CASS4: variants seen among roughly 807,000 people sequenced by gnomAD.
CASS4 encodes Cas scaffold protein family member 4.
In CASS4, 22 loss-of-function variants were observed where a neutral mutation model predicts 54.2. That is an observed-to-expected ratio of 0.41 (90% CI 0.29 to 0.58). The LOEUF is 0.58. CASS4 is among the 20% of genes least tolerant of loss of function. The probability of loss-of-function intolerance (pLI) is 0.36; values close to 1 mark genes in which losing one functional copy is unlikely to be tolerated. For missense variants in CASS4, 854 were observed against 986.7 expected, an observed-to-expected ratio of 0.87 and a Z score of 1.80; for synonymous variants, 409 against 391.5, an observed-to-expected ratio of 1.04 and a Z score of -0.53.
rs774973418 is a variant in CASS4 at position 56,437,214 on chromosome 20, G to A, written c.87G>A (p.Glu29=). The stretch of plus-strand genomic sequence containing the variant: ...ACAACTGCCCTGACTGCTCTGACGA[G>A]CTGGCTTTCAGCAGAGGGGACATCC... ...LYDNCPDCSD[E]LAFSRGDILT... The change falls in exon 2 of 6, where the codon GAG becomes GAA. Residue 29 remains glutamate, a synonymous_variant. Coordinates refer to ENST00000679887, the MANE Select transcript of CASS4 (RefSeq NM_020356.4). This position sits in a 1 kb window ranked among gnomAD's most constrained non-coding sequence, Gnocchi z 4.7. The A allele has an allele frequency of 2.5e-6, 4 of 1,603,388 alleles. No individual in the cohort carries two copies. The highest frequency in any genetic ancestry group is 1.7e-5 in the Admixed American group (1 of 59,410).
chr20:56,457,553 A>C (rs983524427), intron 5 of CASS4, among the ~76,000 whole-genome samples: 2 of 152,208 alleles, frequency 1.3e-5, no homozygotes, highest in African/African-American at 4.8e-5. Flanking sequence ...AAATAAAATA[A>C]ATAATATTAA....
rs201454304 is a variant in CASS4, at chr20:56,452,659, G to A, written c.1483G>A (p.Asp495Asn). The A allele has an allele frequency of 5.6e-6, 9 of 1,614,202 alleles. No individual in the cohort carries two copies. Among genetic ancestry groups the A allele is most frequent in the Non-Finnish European group, 6.8e-6 (8 of 1,180,046 alleles). The change falls in exon 5 of 6, where the codon GAT becomes AAT. Residue 495 changes from aspartate to asparagine, a missense_variant. Transcript: ENST00000679887. ...AGAAGAATCTGTAAGAGAATTTCTG[G>A]ATTTTGCCCGAGGAGTCCATGGGAC... The part of the protein sequence containing the change: ...HIEESVREFL[D>N]FARGVHGTAC...
rs770378111 is a variant in CASS4, at chr20:56,443,752, G to A, written c.460-2148G>A. On this transcript the variant is annotated intron_variant, in intron 2 of 5. Transcript: ENST00000679887. The stretch of plus-strand genomic sequence containing the variant: ...GCAGCGTGCAGGCTGGACGAGGGCC[G>A]CTCTCCCCTTGGGAACCACGAAGCG... Among the ~76,000 whole-genome samples the A allele has an allele frequency of 5.9e-5, 9 of 152,088 alleles. 1 individual carries two copies. The highest frequency in any genetic ancestry group is 2.1e-4 in the South Asian group (1 of 4,836).
chr20:56,422,737 AATGTTATC>A (rs1979467146), intron 1 of CASS4, among the ~76,000 whole-genome samples: 2 of 152,366 alleles, frequency 1.3e-5, no homozygotes, highest in South Asian at 4.1e-4. Flanking sequence ...GTCAGAGTTC[AATGTTATC>A]ATGGAGAACC....
intron 1 of CASS4, among the ~76,000 whole-genome samples, chr20:56,425,852 C>A (rs1015514249): frequency 1.3e-5 from 2 of 152,186 alleles, no homozygotes; most frequent in African/African-American, 4.8e-5. Flanking sequence ...CAGAAGGGAC[C>A]CTCAGTGAGT....
chr20:56,413,157 C>T (rs549101036), intron 1 of CASS4, among the ~76,000 whole-genome samples: 160 of 146,152 alleles, frequency 1.1e-3, no homozygotes, highest in African/African-American at 2.5e-3. Context: ...GGCAACATAG[C>T]GAGACCCCAT....
intron 5 of CASS4, among the ~76,000 whole-genome samples, chr20:56,454,346 C>A (rs1346481189): frequency 2.6e-5 from 4 of 152,206 alleles, no homozygotes; most frequent in African/African-American, 9.6e-5. Context: ...TCAGCCCCGA[C>A]CTTTGTGTTC....
intron 3 of CASS4, among the ~76,000 whole-genome samples, chr20:56,448,568 C>A (rs1008700959): frequency 1.3e-5 from 2 of 152,062 alleles, no homozygotes; most frequent in Non-Finnish European, 2.9e-5. Flanking sequence ...GAAAGGCAAC[C>A]CCCGCTACAC....
In CASS4 at chr20:56,452,725, C is replaced by G; in HGVS notation, c.1549C>G (p.Arg517Gly). The G allele has an allele frequency of 6.2e-7, 1 of 1,614,082 alleles. No homozygotes were observed. The highest frequency in any genetic ancestry group is 8.5e-7 in the Non-Finnish European group (1 of 1,180,002). Residue 517 changes from arginine to glycine, a missense_variant, in exon 5 of 6, where the codon CGG becomes GGG. Transcript: ENST00000679887. Reference protein sequence around the residue: ...LTDSNLQNRIRDQMQTISNSY... With the variant: ...LTDSNLQNRIGDQMQTISNSY... ...TGACAGTAACCTTCAGAACAGAATT[C>G]GGGACCAGATGCAGACCATCTCCAA...
At position 56,437,992 on chromosome 20, in the gene CASS4, A is replaced by G. The variant is rs1463893015; in HGVS notation, c.459+406A>G. On this transcript the variant is annotated intron_variant, in intron 2 of 5. Transcript: ENST00000679887. This position sits in a 1 kb window ranked among gnomAD's most constrained non-coding sequence, Gnocchi z 4.7. ...CAAGAAGTTACACATCGCATTTAAAATGTATATTCCAGGCTGGGCATGGTG... is the reference window on the plus strand; with the variant it reads ...CAAGAAGTTACACATCGCATTTAAAGTGTATATTCCAGGCTGGGCATGGTG... Among the ~76,000 whole-genome samples, 2 of 152,178 alleles carry G rather than the reference A, an allele frequency of 1.3e-5. No homozygotes were observed. Among genetic ancestry groups the G allele is most frequent in the Non-Finnish European group, 2.9e-5 (2 of 68,034 alleles).
intron 1 of CASS4, among the ~76,000 whole-genome samples, chr20:56,416,193 G>A (rs1265655083): frequency 1.3e-5 from 2 of 152,278 alleles, no homozygotes; most frequent in East Asian, 3.9e-4. Context: ...GGGATTACAG[G>A]CATGTGCCAC....
chr20:56,425,922 T>C (rs936845455), intron 1 of CASS4, among the ~76,000 whole-genome samples: 1 of 152,206 alleles, frequency 6.6e-6, no homozygotes, highest in African/African-American at 2.4e-5. Flanking sequence ...CCTATGCTCA[T>C]CTTGCTCTTT....
intron 2 of CASS4, among the ~76,000 whole-genome samples, chr20:56,440,199 A>G (rs529159751): frequency 6.6e-6 from 1 of 152,312 alleles, no homozygotes; most frequent in Admixed American, 6.5e-5. Flanking sequence ...GAAGCAGTCA[A>G]TGAGGTGGAC....
chr20:56,458,535 G>T lies in CASS4; in HGVS notation c.2149G>T (p.Val717Leu). The change falls in exon 6 of 6, where the codon GTG (valine) becomes TTG (leucine). Residue 717 changes from valine (V) to leucine (L), a missense_variant. Coordinates refer to ENST00000679887, the MANE Select transcript of CASS4 (RefSeq NM_020356.4). Reference sequence around the variant, plus strand: ...GGTCATCATGGTGGGACAGAAGCTGGTGGACACGCTGTGCATGGAGACCCA... The same window carrying T: ...GGTCATCATGGTGGGACAGAAGCTGTTGGACACGCTGTGCATGGAGACCCA... ...KLVIMVGQKLVDTLCMETQER... is the reference protein window; with the variant it reads ...KLVIMVGQKLLDTLCMETQER... 6.2e-7 allele frequency: 1 copy of T among 1,614,210 alleles called. No homozygotes were observed. The highest frequency in any genetic ancestry group is 8.5e-7 in the Non-Finnish European group (1 of 1,180,044).
intron 1 of CASS4, among the ~76,000 whole-genome samples, chr20:56,433,124 C>T (rs1036456787): frequency 4.6e-5 from 7 of 152,232 alleles, no homozygotes; most frequent in Admixed American, 1.3e-4. Context: ...CTGGAGCTTA[C>T]GTTCTTATGG....
In CASS4 at chr20:56,427,403, C is replaced by T. The variant is rs375093835; in HGVS notation, c.37-9761C>T. Reference sequence around the variant, plus strand: ...TGGAAACTTTTTTTTAACATAATATCCTTTTAAAATGATGGAAAGTAAACA... The same window carrying T: ...TGGAAACTTTTTTTTAACATAATATTCTTTTAAAATGATGGAAAGTAAACA... On this transcript the variant is annotated intron_variant, in intron 1 of 5. Coordinates refer to ENST00000679887, the MANE Select transcript of CASS4 (RefSeq NM_020356.4). 3.9e-5 allele frequency among the ~76,000 whole-genome samples: 6 copies of T among 152,136 alleles called. 1 individual carries two copies. Among genetic ancestry groups the T allele is most frequent in the East Asian group, 1.9e-4 (1 of 5,186 alleles).
intron 5 of CASS4, 24 bp downstream of exon 5, chr20:56,453,153 C>T (rs762283558): frequency 6.5e-6 from 10 of 1,549,968 alleles, no homozygotes; most frequent in African/African-American, 2.8e-5. Context: ...TCCAAGTGAT[C>T]GAAAAAGGGG....
At chr20:56,442,450 A>G (rs1306715270) in intron 2 of CASS4, among the ~76,000 whole-genome samples, 1 of 151,670 alleles carries the variant, frequency 6.6e-6, no homozygotes, top group African/African-American at 2.4e-5. Context: ...TCTGTGGCTG[A>G]CGCTATTCTT....
At position 56,437,361 on chromosome 20, in the gene CASS4, G is replaced by C; in HGVS notation, c.234G>C (p.Arg78Ser). The C allele has an allele frequency of 2.5e-6, 4 of 1,614,124 alleles. No individual in the cohort carries two copies. The highest frequency in any genetic ancestry group is 3.4e-6 in the Non-Finnish European group (4 of 1,179,998). ...LQILTEVAAD[R>S]PCPPFLRGLE... is the part of the protein sequence containing the mutation. ...TCCTCACGGAGGTCGCTGCAGACAGGCCGTGCCCCCCATTCCTGAGAGGCC... is the reference window on the plus strand; with the variant it reads ...TCCTCACGGAGGTCGCTGCAGACAGCCCGTGCCCCCCATTCCTGAGAGGCC... The change falls in exon 2 of 6, where the codon AGG (arginine) becomes AGC (serine). Residue 78 changes from arginine to serine, a missense_variant. Arg to Ser is a moderately radical substitution (Grantham distance 110). Coordinates refer to ENST00000679887, the MANE Select transcript of CASS4 (RefSeq NM_020356.4). The surrounding 1 kb of genome is among the most constrained non-coding windows in gnomAD (Gnocchi z 4.7).
Sources: allele counts gnomAD v4.1 joint callset (sites outside exome capture counted in the v4.1 genomes callset), GRCh38; gene constraint gnomAD v4.1.1; non-coding constraint Gnocchi (gnomAD v3.1); transcripts MANE v1.5; gene names NCBI Gene and HGNC (gene_info 2026-07-23, HGNC 2026-07-21).